VPS53: variants seen among roughly 807,000 people sequenced by gnomAD.
VPS53 encodes the protein VPS53 subunit of GARP complex.
VPS53 carries 70 observed loss-of-function variants against 107.0 expected under a neutral mutation model. The observed-to-expected ratio is 0.65, with a 90% CI of 0.54 to 0.80. The LOEUF (loss-of-function observed/expected upper bound fraction) is 0.80. Ranked by LOEUF, VPS53 falls within the 30% of genes least tolerant of loss-of-function variation. The probability of loss-of-function intolerance (pLI) is 0.00; values close to 1 mark genes in which losing one functional copy is unlikely to be tolerated. For missense variants in VPS53, 917 were observed against 1,049.4 expected (o/e 0.87, Z 1.74); for synonymous variants, 409 against 393.3 (o/e 1.04, Z -0.47).
intron 4 of VPS53, among the ~76,000 whole-genome samples, chr17:672,132 A>T: frequency 1.3e-5 from 2 of 148,460 alleles, no homozygotes; most frequent in African/African-American, 2.5e-5. Context: ...ACACACACAC[A>T]CACACACACA....
Position 560,553 on chromosome 17 carries a change from C to A in VPS53, c.1577G>T (p.Gly526Val). ...NLPKTTTSSG[G>V]LTISSLLKEK... ...CTTGAGGAGGCTGCTGATAGTCAGTCCTCCACTGCTGGTTGTGGTTCTGAA... is the reference window on the plus strand; with the variant it reads ...CTTGAGGAGGCTGCTGATAGTCAGTACTCCACTGCTGGTTGTGGTTCTGAA... Residue 526 changes from glycine (G) to valine (V), a missense_variant, in exon 15 of 22, where the codon GGA becomes GTA. Physicochemically the swap from Gly to Val is moderately radical, Grantham distance 109. Coordinates refer to ENST00000437048, the MANE Select transcript of VPS53 (RefSeq NM_001128159.3). 6.2e-7 allele frequency: 1 copy of A among 1,614,064 alleles called. No individual in the cohort carries two copies. The highest frequency in any genetic ancestry group is 8.5e-7 in the Non-Finnish European group (1 of 1,179,996).
chr17:658,212 A>G (rs563920997), intron 5 of VPS53, among the ~76,000 whole-genome samples: 2 of 82,438 alleles, frequency 2.4e-5, no homozygotes, highest in African/African-American at 6.7e-5. Flanking sequence ...GGATAGATAC[A>G]TCCCATTGAA....
intron 4 of VPS53, among the ~76,000 whole-genome samples, chr17:692,495 C>T (rs748642168): frequency 1.3e-5 from 2 of 152,166 alleles, no homozygotes; most frequent in Non-Finnish European, 2.9e-5. Flanking sequence ...ACTCTGCAAA[C>T]GTTTAGCAGA....
At chr17:695,479 T>G (rs373211930) in intron 4 of VPS53, among the ~76,000 whole-genome samples, 1 of 151,998 alleles carries the variant, frequency 6.6e-6, no homozygotes, top group Admixed American at 6.6e-5. Context: ...AAGTCTTCAG[T>G]GTAGACAGAA....
intron 17 of VPS53, among the ~76,000 whole-genome samples, chr17:548,233 T>C (rs561080619): frequency 1.3e-4 from 20 of 152,372 alleles, no homozygotes; most frequent in African/African-American, 4.8e-4. Context: ...GAAGAGGCCA[T>C]GGGATGCCTT....
In VPS53 at chr17:515,172, C is replaced by A. The variant is rs980996403; in HGVS notation, c.*3956G>T. ...ATGGACTGAGGGGAAGGAATGGGCA[C>A]AATATCTAGGTCTAGCTGAATCACA... On this transcript the variant is annotated 3_prime_UTR_variant, in exon 22 of 22. Coordinates refer to ENST00000437048, the MANE Select transcript of VPS53 (RefSeq NM_001128159.3). 3.9e-5 allele frequency: 6 copies of A among 152,196 alleles called. No homozygotes were observed. The highest frequency in any genetic ancestry group is 1.4e-4 in the African/African-American group (6 of 41,434). 9.4% of individuals were successfully genotyped at this position (152,196 alleles called of 1,614,324 possible). A position where few individuals can be genotyped will look rare whatever the true frequency, so the allele number is the denominator to read the frequency against.
At chr17:678,373 G>T (rs909396150) in intron 4 of VPS53, among the ~76,000 whole-genome samples, 10 of 152,004 alleles carry the variant, frequency 6.6e-5, no homozygotes, top group Admixed American at 1.3e-4. Context: ...AGTGAGCCAA[G>T]ATCAAGCCAC....
chr17:547,168 C>T lies in VPS53; in HGVS notation c.1866+4704G>A, dbSNP rs115696019. On this transcript the variant is annotated intron_variant, in intron 17 of 21. Coordinates refer to ENST00000437048, the MANE Select transcript of VPS53 (RefSeq NM_001128159.3). Reference sequence around the variant, plus strand: ...CTGGGATTACGGGCATGAGCCACCACGCCTGGCCTTTAGGTACATATTGAA... The same window carrying T: ...CTGGGATTACGGGCATGAGCCACCATGCCTGGCCTTTAGGTACATATTGAA... Among the ~76,000 whole-genome samples, 752 of 152,260 alleles carry T rather than the reference C, an allele frequency of 4.9e-3. 8 individuals carry two copies. The highest frequency in any genetic ancestry group is 0.017 in the African/African-American group (713 of 41,550).
chr17:533,579 A>G (rs1909773014), intron 18 of VPS53, among the ~76,000 whole-genome samples: 1 of 152,174 alleles, frequency 6.6e-6, no homozygotes, highest in Non-Finnish European at 1.5e-5. Flanking sequence ...GGGTCAGTAC[A>G]CACGCACCTC....
intron 2 of VPS53, chr17:705,898 C>T (rs1411738197): frequency 6.6e-6 from 1 of 151,878 alleles, no homozygotes; most frequent in African/African-American, 2.4e-5. Flanking sequence ...AGTGAGACCC[C>T]ATCTCAAAAA....
Position 614,006 on chromosome 17 carries a change from G to A in VPS53, c.1116+9527C>T, listed in dbSNP as rs149280509. Among the ~76,000 whole-genome samples, 349 of 152,326 alleles carry A rather than the reference G, an allele frequency of 2.3e-3. 1 individual carries two copies. The highest frequency in any genetic ancestry group is 9.1e-3 in the South Asian group (44 of 4,826). On this transcript the variant is annotated intron_variant, in intron 11 of 21. Transcript: ENST00000437048. ...GGCTCGCAGACACTGTCCAGAGGGA[G>A]GGAAGGCAGACACAAAAACCACACA... is the stretch of plus-strand genomic sequence containing the variant.
chr17:698,907 CCT>C (rs771207912), intron 3 of VPS53, among the ~76,000 whole-genome samples: 21 of 152,166 alleles, frequency 1.4e-4, no homozygotes, highest in African/African-American at 3.6e-4. Context: ...GTGGCTCACC[CCT>C]GTCATCCCAG....
chr17:596,986 C>A (rs1260788588), intron 12 of VPS53, among the ~76,000 whole-genome samples: 1 of 152,144 alleles, frequency 6.6e-6, no homozygotes, highest in Non-Finnish European at 1.5e-5. Flanking sequence ...TAAATCGAAC[C>A]GCTCGGATCA....
chr17:578,798 C>T (rs1417928619), intron 13 of VPS53, among the ~76,000 whole-genome samples: 1 of 151,138 alleles, frequency 6.6e-6, no homozygotes, highest in Admixed American at 6.6e-5. Context: ...CCTAGAGAAC[C>T]CCCAACAGAA....
intron 2 of VPS53, among the ~76,000 whole-genome samples, chr17:705,423 TA>T (rs11295086): frequency 0.53 from 75,443 of 143,622 alleles, 19,574 homozygotes; most frequent in Non-Finnish European, 0.58. Context: ...GCCCAGTCTG[TA>T]AAAAAAAAAA....
rs569457323 is a variant in VPS53, at chr17:512,882, G to T, written c.*6246C>A. ...AAGGAAACAGGATGGACTCATGCGT[G>T]CAGGAGAGAAATCACTTGGCCGTCA... is the stretch of plus-strand genomic sequence containing the variant. On this transcript the variant is annotated 3_prime_UTR_variant, in exon 22 of 22. Transcript: ENST00000437048. The T allele has an allele frequency of 6.6e-6, 1 of 152,468 alleles. No individual in the cohort carries two copies. The highest frequency in any genetic ancestry group is 1.9e-4 in the East Asian group (1 of 5,194). The allele number at this position is 152,468 out of a possible 1,614,324, so 9.4% of individuals were successfully genotyped here. A position where few individuals can be genotyped will look rare whatever the true frequency, so the allele number is the denominator to read the frequency against.
At chr17:598,651 C>T (rs950410729) in intron 12 of VPS53, among the ~76,000 whole-genome samples, 36 of 145,304 alleles carry the variant, frequency 2.5e-4, no homozygotes, top group African/African-American at 7.0e-4. Flanking sequence ...TGCCCGGCCG[C>T]GACCCGGTCT....
Position 519,242 on chromosome 17 carries a change from G to A in VPS53, c.2385C>T (p.Pro795=), listed in dbSNP as rs893537097. Residue 795 remains proline, a synonymous_variant, in exon 22 of 22, where the codon CCC becomes CCT. Transcript: ENST00000437048. The surrounding 1 kb of genome is among the most constrained non-coding windows in gnomAD (Gnocchi z 5.0). ...AGCTTTCTGCCCCCGAGGGCGGTGC[G>A]GGGAGCCGCTGGCGCAGGAGTTCCA... ...SMLELLRQRL[P]APPSGAESSG... The A allele has an allele frequency of 1.4e-5, 21 of 1,544,774 alleles. No individual in the cohort carries two copies. Among genetic ancestry groups the A allele is most frequent in the Middle Eastern group, 1.7e-4 (1 of 5,970 alleles).
At chr17:563,244 TA>T (rs1443304410) in intron 13 of VPS53, among the ~76,000 whole-genome samples, 1 of 151,802 alleles carries the variant, frequency 6.6e-6, no homozygotes, top group Non-Finnish European at 1.5e-5. Context: ...ATGCACCAGG[TA>T]TTATGTCCAT....
Sources: allele counts gnomAD v4.1 joint callset (sites outside exome capture counted in the v4.1 genomes callset), GRCh38; gene constraint gnomAD v4.1.1; non-coding constraint Gnocchi (gnomAD v3.1); transcripts MANE v1.5; gene names NCBI Gene and HGNC (gene_info 2026-07-23, HGNC 2026-07-21).